Variants in MYH7 observed in about 807,000 individuals in gnomAD.
MYH7 encodes myosin heavy chain 7.
Under a neutral mutation model 225.4 loss-of-function variants are expected in MYH7, and 129 were observed. The observed-to-expected ratio is 0.57, with a 90% CI of 0.50 to 0.66. The LOEUF (loss-of-function observed/expected upper bound fraction) is 0.66. MYH7 is among the 30% of genes least tolerant of loss of function. The pLI is 0.00. For missense variants in MYH7, 1,649 were observed against 2,517.0 expected (o/e 0.66, Z 7.38); for synonymous variants, 971 against 1,007.6 (o/e 0.96, Z 0.69).
At position 23,423,930 on chromosome 14, in the gene MYH7, C is replaced by T. The variant is rs727503250; in HGVS notation, c.2899G>A (p.Glu967Lys). ...LELTLAKVEKEKHATENKVKN... is the reference protein window; with the variant it reads ...LELTLAKVEKKKHATENKVKN... ...ACCTTGTTCTCTGTTGCGTGTTTCT[C>T]CTTCTCCACTTTGGCCAGTGTCAGC... The change falls in exon 23 of 40, where the codon GAG becomes AAG. Residue 967 changes from glutamate (E) to lysine (K), a missense_variant. Coordinates refer to ENST00000355349, the MANE Select transcript of MYH7 (RefSeq NM_000257.4). 4 of 1,614,046 alleles carry T rather than the reference C, an allele frequency of 2.5e-6. No individual in the cohort carries two copies. The highest frequency in any genetic ancestry group is 1.3e-5 in the African/African-American group (1 of 74,940).
intron 18 of MYH7, among the ~76,000 whole-genome samples, chr14:23,426,476 G>T (rs965895282): frequency 1.2e-4 from 19 of 152,176 alleles, no homozygotes; most frequent in African/African-American, 3.9e-4. Flanking sequence ...GGATTAAGTG[G>T]TTCTGCAGGT....
rs1566522362 is a variant in MYH7 at position 23,415,038 on chromosome 14, C to T, written c.5516G>A (p.Gly1839Asp). Residue 1839 changes from glycine (G) to aspartate (D), a missense_variant, in exon 37 of 40, where the codon GGC becomes GAC. This residue lies in a region of MYH7 where 687 missense variants were observed against 913.8 expected (regional missense o/e 0.75). Transcript: ENST00000355349. The surrounding 1 kb of genome is among the most constrained non-coding windows in gnomAD (Gnocchi z 6.3). ...GATGCGCCGCTCGCTCTTCCTCATG[C>T]CCTTCACCGACTCTGCGTTGCGCTT... is the stretch of plus-strand genomic sequence containing the variant. ...EQKRNAESVK[G>D]MRKSERRIKE... 1 of 1,611,880 alleles carries T rather than the reference C, an allele frequency of 6.2e-7. No homozygotes were observed. Among genetic ancestry groups the T allele is most frequent in the Non-Finnish European group, 8.5e-7 (1 of 1,180,012 alleles).
chr14:23,427,496 T>A, intron 16 of MYH7, 89 bp downstream of exon 16: 1 of 1,533,182 alleles, frequency 6.5e-7, no homozygotes, highest in Non-Finnish European at 8.9e-7. Flanking sequence ...CAACCTGACA[T>A]TGAAGTGGTG....
rs139882431 is a variant in MYH7, at chr14:23,425,356, G to A, written c.2349C>T (p.Arg783=). Residue 783 remains arginine, a synonymous_variant, in exon 21 of 40, where the codon CGC becomes CGT. Transcript: ENST00000355349. The surrounding 1 kb of genome is among the most constrained non-coding windows in gnomAD (Gnocchi z 4.6). ...LEEMRDERLS[R]IITRIQAQSR... is the part of the protein sequence containing the mutation. ...ACTGGGCCTGGATACGCGTGATGAT[G>A]CGGCTCAGCCTCTCGTCCCTCATTT... 926 of 1,614,070 alleles carry A rather than the reference G, an allele frequency of 5.7e-4. No individual in the cohort carries two copies. The highest frequency in any genetic ancestry group is 7.0e-4 in the Non-Finnish European group (826 of 1,180,048).
At chr14:23,413,715 G>A in intron 39 of MYH7, 44 bp downstream of exon 39, 1 of 1,612,388 alleles carries the variant, frequency 6.2e-7, no homozygotes, top group Non-Finnish European at 8.5e-7. Flanking sequence ...GTCTGGGTAT[G>A]CCTGCTGTGG....
At chr14:23,420,818 A>C (rs1460062848) in intron 26 of MYH7, 140 bp downstream of exon 26, 7 of 712,520 alleles carry the variant, frequency 9.8e-6, no homozygotes, top group Non-Finnish European at 1.8e-5. Context: ...CCATGGGCAC[A>C]CTGTGATAGC....
In MYH7 at chr14:23,433,102, G is replaced by A. The variant is rs36211408; in HGVS notation, c.327C>T (p.Tyr109=). 2.1e-4 allele frequency: 333 copies of A among 1,614,098 alleles called. 4 individuals carry two copies. In the South Asian group the frequency reaches 2.2e-3, roughly 11 times the overall value. Residue 109 remains tyrosine (Y), a synonymous_variant, in exon 4 of 40, where the codon TAC becomes TAT. Coordinates refer to ENST00000355349, the MANE Select transcript of MYH7 (RefSeq NM_000257.4). The surrounding 1 kb of genome is among the most constrained non-coding windows in gnomAD (Gnocchi z 4.1). Reference sequence around the variant, plus strand: ...CACTCACGTAGATCATCCAGGAGCCGTAGCGATCCTTGAGGTTGTAGAGCA... The same window carrying A: ...CACTCACGTAGATCATCCAGGAGCCATAGCGATCCTTGAGGTTGTAGAGCA... ...PAVLYNLKDR[Y]GSWMIYTYSG...
At chr14:23,435,221 C>G (rs1893094327) in intron 1 of MYH7, among the ~76,000 whole-genome samples, 1 of 152,082 alleles carries the variant, frequency 6.6e-6, no homozygotes, top group African/African-American at 2.4e-5. Flanking sequence ...TCCTAGAATC[C>G]TTCTCCACCA....
At chr14:23,423,071 A>G (rs965206225) in intron 24 of MYH7, among the ~76,000 whole-genome samples, 1 of 152,226 alleles carries the variant, frequency 6.6e-6, no homozygotes, top group Non-Finnish European at 1.5e-5. Context: ...AAGCTTAAAT[A>G]ATTAAAATAC....
At chr14:23,434,472 A>C (rs35309616) in intron 1 of MYH7, among the ~76,000 whole-genome samples, 68 of 151,946 alleles carry the variant, frequency 4.5e-4, no homozygotes, top group Non-Finnish European at 8.1e-4. Context: ...CTCAACCTGA[A>C]CCCTAATCCT....
At position 23,420,126 on chromosome 14, in the gene MYH7, G is replaced by T; in HGVS notation, c.3445C>A (p.Arg1149=). Residue 1149 remains arginine, a synonymous_variant, in exon 27 of 40, where the codon CGG becomes AGG. Coordinates refer to ENST00000355349, the MANE Select transcript of MYH7 (RefSeq NM_000257.4). ...GTGGCCCCGCCGGCCTCTTCCAGCC[G>T]CTCGCTGATCTCCTCCAGCTCCCGA... ...LSRELEEISE[R]LEEAGGATSV... is the part of the protein sequence containing the mutation. 2 of 1,604,972 alleles carry T rather than the reference G, an allele frequency of 1.2e-6. No individual in the cohort carries two copies. The highest frequency in any genetic ancestry group is 2.0e-4 in the Middle Eastern group (1 of 4,918).
At position 23,427,412 on chromosome 14, in the gene MYH7, G is replaced by A. The variant is rs1892736111; in HGVS notation, c.1889-105C>T. The A allele has an allele frequency of 5.4e-6, 8 of 1,492,012 alleles. No homozygotes were observed. In the South Asian group the frequency reaches 9.4e-5, roughly 18 times the overall value. 92.4% of individuals were successfully genotyped at this position (1,492,012 alleles called of 1,614,324 possible). ...ATCCTTGCTGGCATTTGGCCCCTGG[G>A]TGAGGGCCTTCAATGTGGCTGCCTC... On this transcript the variant is annotated intron_variant, in intron 16 of 39. Coordinates refer to ENST00000355349, the MANE Select transcript of MYH7 (RefSeq NM_000257.4).
In MYH7 at chr14:23,413,754, C is replaced by T; in HGVS notation, c.5790+5G>A. 1 of 1,613,836 alleles carries T rather than the reference C, an allele frequency of 6.2e-7. No individual in the cohort carries two copies. Among genetic ancestry groups the T allele is most frequent in the Non-Finnish European group, 8.5e-7 (1 of 1,180,038 alleles). On this transcript the variant is annotated splice_donor_5th_base_variant and intron_variant, in intron 39 of 39. Transcript: ENST00000355349. ...TGACTAGCAAAGCCCAAAAGAGGGA[C>T]CCACCTTCGTGCCAATGTCACGGCT... is the stretch of plus-strand genomic sequence containing the variant.
chr14:23,414,874 C>CG, intron 37 of MYH7, 121 bp downstream of exon 37: 3 of 1,538,598 alleles, frequency 1.9e-6, no homozygotes, highest in Non-Finnish European at 2.7e-6. Context: ...CAAAGTGAAA[C>CG]GGGGGCTGCA....
At position 23,428,984 on chromosome 14, in the gene MYH7, G is replaced by A. The variant is rs1463785986; in HGVS notation, c.1378C>T (p.Leu460=). Residue 460 remains leucine, a synonymous_variant, in exon 14 of 40, where the codon CTG becomes TTG. Coordinates refer to ENST00000355349, the MANE Select transcript of MYH7 (RefSeq NM_000257.4). ...AAGATCTCGAAGCCAGCGATGTCCA[G>A]GACTCCTATGAAGTACTGGCGTGGC... ...KQPRQYFIGV[L]DIAGFEIFDF... The A allele has an allele frequency of 1.2e-6, 2 of 1,614,226 alleles. No homozygotes were observed. The highest frequency in any genetic ancestry group is 1.7e-5 in the Admixed American group (1 of 60,032).
chr14:23,413,061 T>C (rs1252827637), intron 39 of MYH7, among the ~76,000 whole-genome samples, 190 bp from the exon 40 acceptor site: 1 of 152,038 alleles, frequency 6.6e-6, no homozygotes, highest in Non-Finnish European at 1.5e-5. Context: ...GAGGGTAGGG[T>C]TCTGGGGTTG....
intron 26 of MYH7, 44 bp downstream of exon 26, chr14:23,420,914 C>A (rs763324056): frequency 1.3e-6 from 2 of 1,503,588 alleles, no homozygotes; most frequent in East Asian, 4.5e-5. Flanking sequence ...GGAAACAGAA[C>A]CAGCCCAGGG....
intron 1 of MYH7, among the ~76,000 whole-genome samples, chr14:23,434,939 G>T (rs17092326): frequency 6.6e-6 from 1 of 151,742 alleles, no homozygotes; most frequent in Non-Finnish European, 1.5e-5. Context: ...ACCTCAATCC[G>T]CACCCCAACC....
intron 16 of MYH7, 28 bp from the exon 17 acceptor site, chr14:23,427,335 G>A (rs1401597764): frequency 1.2e-5 from 20 of 1,612,580 alleles, no homozygotes; most frequent in Middle Eastern, 1.6e-4. Flanking sequence ...AACAAAAGAA[G>A]CATCAGTGTG....
Sources: gnomAD v4.1 joint callset for allele counts (sites outside exome capture counted in the v4.1 genomes callset) on GRCh38, gnomAD v4.1.1 for gene constraint, gnomAD v4.1.1 regional missense constraint, Gnocchi (gnomAD v3.1) non-coding constraint, MANE v1.5 for transcripts, NCBI Gene and HGNC (gene_info 2026-07-23, HGNC 2026-07-21) for gene names.